SMARCA1: variants seen among roughly 807,000 people sequenced by gnomAD.
SMARCA1 encodes SNF2 related chromatin remodeling ATPase 1.
A neutral mutation model predicts 93.6 loss-of-function variants in SMARCA1; 17 were observed. The ratio of observed to expected loss-of-function variants is 0.18; its 90% CI spans 0.12 to 0.27. SMARCA1 has a LOEUF of 0.27. Ranked by LOEUF, SMARCA1 falls within the 10% of genes least tolerant of loss-of-function variation. The probability of loss-of-function intolerance (pLI) is 1.00; values close to 1 mark genes in which losing one functional copy is unlikely to be tolerated. For synonymous variants in SMARCA1, 271 were observed against 271.4 expected (o/e 1.00, Z 0.01); for missense variants, 630 against 819.0 (o/e 0.77, Z 2.82).
intron 24 of SMARCA1, 53 bp downstream of exon 24, chrX:129,448,280 T>C (rs1251070485): frequency 9.0e-7 from 1 of 1,116,473 alleles, no homozygotes. Flanking sequence ...GCATTTTAAT[T>C]ATGTAAAAAA....
At chrX:129,460,201 G>A (rs1932782894) in intron 23 of SMARCA1, among the ~76,000 whole-genome samples, 1 of 111,158 alleles carries the variant, frequency 9.0e-6, no homozygotes, top group Admixed American at 9.6e-5. Context: ...GCATGAGGAG[G>A]TAATAAACTC....
In SMARCA1 at chrX:129,511,813, C is replaced by T. The variant is rs754367872; in HGVS notation, c.801G>A (p.Lys267=). The T allele has an allele frequency of 1.7e-6, 2 of 1,192,455 alleles. No individual in the cohort carries two copies. The highest frequency in any genetic ancestry group is 2.3e-6 in the Non-Finnish European group (2 of 884,708). ...CTTGTTTCTCACTTACTCTGGCATC[C>T]TTGTCTCCGACAAAACAAATGACAC... ...SLRVICFVGD[K]DARAAFIRDE... The change falls in exon 6 of 25, where the codon AAG becomes AAA. Residue 267 remains lysine, a synonymous_variant. Transcript: ENST00000371121.
At chrX:129,516,630 G>A (rs895308420) in intron 2 of SMARCA1, 133 bp from the exon 3 acceptor site, 1 of 521,786 alleles carries the variant, frequency 1.9e-6, no homozygotes, top group African/African-American at 2.4e-5. Context: ...AGAAACCTAT[G>A]ACGTAATTAC....
intron 8 of SMARCA1, among the ~76,000 whole-genome samples, chrX:129,505,150 A>G (rs1410887060): frequency 8.9e-6 from 1 of 111,866 alleles, no homozygotes. Context: ...CAATAAAACA[A>G]ACAAAAGCAA....
At chrX:129,474,511 T>C (rs1367383116) in intron 19 of SMARCA1, among the ~76,000 whole-genome samples, 2 of 111,897 alleles carry the variant, frequency 1.8e-5, no homozygotes, top group Non-Finnish European at 3.8e-5. Flanking sequence ...ACTTCCCCTT[T>C]CAACTTCTAA....
At chrX:129,450,223 G>A (rs1932221585) in intron 23 of SMARCA1, among the ~76,000 whole-genome samples, 1 of 111,763 alleles carries the variant, frequency 8.9e-6, no homozygotes, top group Admixed American at 9.5e-5. Flanking sequence ...CTTGTAAGAA[G>A]TGGAAGAGAC....
chrX:129,450,167 A>G (rs867396250), intron 23 of SMARCA1, among the ~76,000 whole-genome samples: 32 of 112,052 alleles, frequency 2.9e-4, no homozygotes, highest in African/African-American at 1.0e-3. Context: ...AATTAAGGTT[A>G]AATGAGGTCC....
At chrX:129,522,462 G>A (rs1487132909) in intron 1 of SMARCA1, among the ~76,000 whole-genome samples, 1 of 101,590 alleles carries the variant, frequency 9.8e-6, no homozygotes, top group Non-Finnish European at 2.0e-5. Flanking sequence ...GGGCGGGGCA[G>A]AAGAGGGTGA....
At chrX:129,459,978 C>T (rs1046218911) in intron 23 of SMARCA1, among the ~76,000 whole-genome samples, 5 of 110,619 alleles carry the variant, frequency 4.5e-5, no homozygotes, top group African/African-American at 1.6e-4. Context: ...AGTGAGACCC[C>T]GTCTTCACAA....
chrX:129,447,325 A>T, intron 24 of SMARCA1, 92 bp from the exon 25 acceptor site: 1 of 979,501 alleles, frequency 1.0e-6, no homozygotes, highest in Non-Finnish European at 1.3e-6. Context: ...GCATTAAAAA[A>T]AAATTTTAAC....
intron 12 of SMARCA1, among the ~76,000 whole-genome samples, chrX:129,493,931 A>G (rs985366461): frequency 1.8e-5 from 2 of 111,733 alleles, no homozygotes; most frequent in Non-Finnish European, 3.8e-5. Context: ...TTACTTATTC[A>G]CAGCTGGCAC....
intron 5 of SMARCA1, among the ~76,000 whole-genome samples, chrX:129,515,035 C>T (rs1317529108): frequency 3.6e-5 from 4 of 110,327 alleles, no homozygotes; most frequent in Admixed American, 2.9e-4. Flanking sequence ...GGTGACAGAG[C>T]GAGACTCCAT....
At chrX:129,480,455 T>C (rs1283817306) in intron 19 of SMARCA1, among the ~76,000 whole-genome samples, 2 of 112,383 alleles carry the variant, frequency 1.8e-5, no homozygotes, top group Admixed American at 9.4e-5. Context: ...ATAAAAATAA[T>C]GTTATTACTA....
intron 2 of SMARCA1, among the ~76,000 whole-genome samples, chrX:129,517,264 A>T (rs114237044): frequency 0.023 from 2,518 of 111,543 alleles, 82 homozygotes; most frequent in African/African-American, 0.077. Context: ...TGTACCATAT[A>T]CAGGCAATAA....
intron 3 of SMARCA1, 111 bp downstream of exon 3, chrX:129,516,220 A>C (rs1245447647): frequency 4.2e-6 from 3 of 719,164 alleles, no homozygotes; most frequent in Non-Finnish European, 6.2e-6. Flanking sequence ...TGTCACATGA[A>C]GGTATACTGA....
At chrX:129,496,084 G>A (rs1239857566) in intron 12 of SMARCA1, among the ~76,000 whole-genome samples, 1 of 101,019 alleles carries the variant, frequency 9.9e-6, no homozygotes, top group Non-Finnish European at 2.0e-5. Flanking sequence ...GGTATTAAAC[G>A]CATTAGACCC....
intron 6 of SMARCA1, 116 bp from the exon 7 acceptor site, chrX:129,508,212 T>A: frequency 2.2e-6 from 1 of 458,016 alleles, no homozygotes; most frequent in Non-Finnish European, 3.3e-6. Context: ...ACCCTGAGGA[T>A]CATTTAGTTT....
At chrX:129,471,918 G>A (rs1246813003) in intron 19 of SMARCA1, among the ~76,000 whole-genome samples, 2 of 112,153 alleles carry the variant, frequency 1.8e-5, no homozygotes, top group Non-Finnish European at 3.8e-5. Context: ...TAGGACCAGT[G>A]GTCAAGGAGG....
chrX:129,509,012 C>T (rs1051334568), intron 6 of SMARCA1, among the ~76,000 whole-genome samples: 2 of 107,458 alleles, frequency 1.9e-5, no homozygotes, highest in African/African-American at 6.8e-5. Flanking sequence ...ATGGTGAAAC[C>T]CCATCTCTAC....
Sources: allele counts gnomAD v4.1 joint callset (sites outside exome capture counted in the v4.1 genomes callset), GRCh38; gene constraint gnomAD v4.1.1; transcripts MANE v1.5; gene names NCBI Gene and HGNC (gene_info 2026-07-23, HGNC 2026-07-21).